Variants in CDK18 observed in about 807,000 individuals in gnomAD.
CDK18 encodes the protein cyclin dependent kinase 18, also known as cyclin-dependent kinase 18.
In CDK18, 52 loss-of-function variants were observed where a neutral mutation model predicts 62.0. The ratio of observed to expected loss-of-function variants is 0.84; its 90% CI spans 0.67 to 1.06. The LOEUF (loss-of-function observed/expected upper bound fraction) is 1.06. Ranked by LOEUF, CDK18 falls within the 50% of genes least tolerant of loss-of-function variation. The probability of loss-of-function intolerance (pLI) is 0.00; values close to 1 mark genes in which losing one functional copy is unlikely to be tolerated. For synonymous variants in CDK18, 237 were observed against 247.0 expected (o/e 0.96, Z 0.38); for missense variants, 604 against 619.9 (o/e 0.97, Z 0.27).
At chr1:205,521,920 G>A (rs1668147678) in intron 1 of CDK18, among the ~76,000 whole-genome samples, 1 of 152,250 alleles carries the variant, frequency 6.6e-6, no homozygotes, top group Non-Finnish European at 1.5e-5. Context: ...GCTGGTGCAT[G>A]GGTAACAGCT....
intron 13 of CDK18, chr1:205,529,975 T>A: frequency 7.2e-7 from 1 of 1,391,886 alleles, no homozygotes. Flanking sequence ...GTTCTCCATC[T>A]GATCATGGTT....
chr1:205,525,248 G>A (rs1668364484), intron 5 of CDK18, 53 bp downstream of exon 5: 5 of 1,410,384 alleles, frequency 3.5e-6, no homozygotes, highest in Non-Finnish European at 5.0e-6. Context: ...TGGCTTGGAG[G>A]AGGGGCAGAC....
At chr1:205,529,274 T>A in intron 11 of CDK18, 50 bp from the exon 12 acceptor site, 1 of 1,543,090 alleles carries the variant, frequency 6.5e-7, no homozygotes, top group South Asian at 1.1e-5. Flanking sequence ...CAAGTCGGCC[T>A]TGGCCCTGGG....
chr1:205,530,062 A>G (rs1668659627), intron 13 of CDK18, 197 bp from the exon 14 acceptor site: 2 of 1,425,992 alleles, frequency 1.4e-6, no homozygotes, highest in East Asian at 5.1e-5. Context: ...TGGTGGCTGG[A>G]GACCGAGGAG....
At chr1:205,530,104 T>G (rs1668661832) in intron 13 of CDK18, 155 bp from the exon 14 acceptor site, 1 of 1,450,370 alleles carries the variant, frequency 6.9e-7, no homozygotes, top group Non-Finnish European at 9.0e-7. Flanking sequence ...GGCCTGAGGT[T>G]GGGTTTGTGG....
At position 205,526,140 on chromosome 1, in the gene CDK18, G is replaced by A; in HGVS notation, c.532G>A (p.Glu178Lys). Residue 178 changes from glutamate to lysine, a missense_variant, in exon 6 of 16, where the codon GAG (glutamate) becomes AAG (lysine). Physicochemically the swap from Glu to Lys is moderately conservative, Grantham distance 56. Transcript: ENST00000429964. ...TGTGGCCCTGAAAGAGATCCGGCTGGAGCACGAGGAGGGAGCGCCCTGCAC... is the reference window on the plus strand; with the variant it reads ...TGTGGCCCTGAAAGAGATCCGGCTGAAGCACGAGGAGGGAGCGCCCTGCAC... ...NLVALKEIRL[E>K]HEEGAPCTAI... 6.2e-7 allele frequency: 1 copy of A among 1,614,108 alleles called. No homozygotes were observed.
chr1:205,522,906 C>T (rs1010338901), intron 1 of CDK18: 5 of 489,326 alleles, frequency 1.0e-5, no homozygotes, highest in South Asian at 4.9e-5. Context: ...CGTGGCGGGG[C>T]GGGCGGTGGG....
At chr1:205,524,124 T>C (rs931470812) in intron 3 of CDK18, 108 bp from the exon 4 acceptor site, 1 of 1,325,078 alleles carries the variant, frequency 7.5e-7, no homozygotes, top group South Asian at 1.3e-5. Context: ...GGGCTCTGAA[T>C]GGTTGTTCTG....
intron 1 of CDK18, chr1:205,522,521 C>T (rs571623304): frequency 6.6e-6 from 1 of 152,350 alleles, no homozygotes; most frequent in South Asian, 2.1e-4. Flanking sequence ...TCTTTTTCCC[C>T]TCTTGCCTCC....
chr1:205,518,015 C>G (rs1281161819), intron 1 of CDK18, among the ~76,000 whole-genome samples: 3 of 152,198 alleles, frequency 2.0e-5, no homozygotes, highest in African/African-American at 4.8e-5. Flanking sequence ...ACTTCTGCCT[C>G]AGGACCTTTG....
In CDK18 at chr1:205,528,721, G is replaced by A; in HGVS notation, c.975-278G>A. The A allele has an allele frequency of 2.5e-6, 1 of 396,590 alleles. No individual in the cohort carries two copies. The highest frequency in any genetic ancestry group is 4.5e-6 in the Non-Finnish European group (1 of 222,404). 24.6% of individuals were successfully genotyped at this position (396,590 alleles called of 1,614,324 possible). On this transcript the variant is annotated intron_variant, in intron 10 of 15. Coordinates refer to ENST00000429964, the MANE Select transcript of CDK18 (RefSeq NM_212502.3). The surrounding 1 kb of genome is among the most constrained non-coding windows in gnomAD (Gnocchi z 4.2). Reference sequence around the variant, plus strand: ...CTGCTGAGAGAATTGCCACATGGGCGCTGGCTGCACAGACCCAAACCTCAC... The same window carrying A: ...CTGCTGAGAGAATTGCCACATGGGCACTGGCTGCACAGACCCAAACCTCAC...
intron 1 of CDK18, among the ~76,000 whole-genome samples, chr1:205,521,503 C>T (rs1668126008): frequency 6.6e-6 from 1 of 152,226 alleles, no homozygotes; most frequent in Non-Finnish European, 1.5e-5. Context: ...CATGAGCCAC[C>T]ATGCCCGGCC....
At chr1:205,520,257 G>T (rs1328991186) in intron 1 of CDK18, among the ~76,000 whole-genome samples, 1 of 152,184 alleles carries the variant, frequency 6.6e-6, no homozygotes, top group Non-Finnish European at 1.5e-5. Context: ...CCTGGTCACC[G>T]CTCCAGGTGT....
Position 205,523,288 on chromosome 1 carries a change from C to T in CDK18, c.121C>T (p.Arg41Trp), listed in dbSNP as rs747729060. Residue 41 changes from arginine to tryptophan, a missense_variant, in exon 2 of 16, where the codon CGG (arginine) becomes TGG (tryptophan). By Grantham distance (101) the Arg-to-Trp change is moderately radical. Transcript: ENST00000429964. ...TEQFNQLHNR[R>W]NENLQLGPLG... ...GCAATTCAACCAGCTCCACAACCGG[C>T]GGAATGAGAGTGAGGGGTCTGGGCC... 5.5e-5 allele frequency: 89 copies of T among 1,614,012 alleles called. No homozygotes were observed. Among genetic ancestry groups the T allele is most frequent in the Middle Eastern group, 3.3e-4 (2 of 6,084 alleles).
At chr1:205,524,000 G>A (rs1668284417) in intron 3 of CDK18, among the ~76,000 whole-genome samples, 1 of 152,242 alleles carries the variant, frequency 6.6e-6, no homozygotes, top group African/African-American at 2.4e-5. Context: ...GTGGCCCAGA[G>A]AGGCAGAGAG....
At chr1:205,507,826 G>A (rs1195172921) in intron 1 of CDK18, among the ~76,000 whole-genome samples, 1 of 152,146 alleles carries the variant, frequency 6.6e-6, no homozygotes, top group African/African-American at 2.4e-5. Context: ...TAGTTAGACA[G>A]AATCTTTACT....
chr1:205,512,725 A>T (rs1331553885), intron 1 of CDK18, among the ~76,000 whole-genome samples: 1 of 152,164 alleles, frequency 6.6e-6, no homozygotes, highest in Non-Finnish European at 1.5e-5. Context: ...GAATGAGGAA[A>T]GTTGGAGACG....
intron 1 of CDK18, among the ~76,000 whole-genome samples, chr1:205,512,756 A>G (rs1178932148): frequency 6.6e-6 from 1 of 152,206 alleles, no homozygotes; most frequent in Non-Finnish European, 1.5e-5. Context: ...GGTTCTTGTC[A>G]GAATGTGGGC....
chr1:205,517,927 G>C lies in CDK18; in HGVS notation c.-21-5220G>C, dbSNP rs578183892. Reference sequence around the variant, plus strand: ...TCCGTTCAAACCCTCCTTACCCCTCGAGGCCCAACACAGCTGCTCCGCACT... The same window carrying C: ...TCCGTTCAAACCCTCCTTACCCCTCCAGGCCCAACACAGCTGCTCCGCACT... On this transcript the variant is annotated intron_variant, in intron 1 of 15. Transcript: ENST00000429964. The surrounding 1 kb of genome is among the most constrained non-coding windows in gnomAD (Gnocchi z 4.1). 8.3e-4 allele frequency among the ~76,000 whole-genome samples: 127 copies of C among 152,126 alleles called. No individual in the cohort carries two copies. Among genetic ancestry groups the C allele is most frequent in the Non-Finnish European group, 1.5e-3 (99 of 68,002 alleles).
Sources: allele counts gnomAD v4.1 joint callset (sites outside exome capture counted in the v4.1 genomes callset), GRCh38; gene constraint gnomAD v4.1.1; non-coding constraint Gnocchi (gnomAD v3.1); transcripts MANE v1.5; gene names NCBI Gene and HGNC (gene_info 2026-07-23, HGNC 2026-07-21).